The following DACH2 variants were observed in gnomAD, a reference collection of about 807,000 sequenced individuals.
DACH2 encodes dachshund homolog 2.
Under a neutral mutation model 35.8 loss-of-function variants are expected in DACH2, and 17 were observed. The ratio of observed to expected loss-of-function variants is 0.48; its 90% CI spans 0.33 to 0.71. The LOEUF (loss-of-function observed/expected upper bound fraction) is 0.71. Ranked by LOEUF, DACH2 falls within the 30% of genes least tolerant of loss-of-function variation. The pLI, the probability that DACH2 is intolerant of heterozygous loss-of-function variation, is 0.02. For synonymous variants in DACH2, 195 were observed against 177.3 expected (o/e 1.10, Z -0.79); for missense variants, 469 against 472.7 (o/e 0.99, Z 0.07).
chrX:86,376,034 T>A (rs2035961174), intron 1 of DACH2, among the ~76,000 whole-genome samples: 1 of 110,324 alleles, frequency 9.1e-6, no homozygotes, highest in South Asian at 3.8e-4. Flanking sequence ...GTTACTGCAC[T>A]GCTGGAAAGA....
intron 1 of DACH2, among the ~76,000 whole-genome samples, chrX:86,339,546 C>A (rs999396124): frequency 7.2e-5 from 8 of 111,502 alleles, no homozygotes; most frequent in African/African-American, 2.6e-4. Flanking sequence ...GAAATAAGTA[C>A]TATTATTATT....
intron 3 of DACH2, among the ~76,000 whole-genome samples, chrX:86,627,090 A>G (rs1371254981): frequency 8.9e-6 from 1 of 112,264 alleles, no homozygotes; most frequent in Admixed American, 9.4e-5. Context: ...ATAAGTTCCA[A>G]TTCCAAACAT....
At chrX:86,830,942 T>C (rs2147373723) in intron 11 of DACH2, 1 of 111,515 alleles carries the variant, frequency 9.0e-6, no homozygotes, top group Non-Finnish European at 1.9e-5. Context: ...ATTCAAGCTT[T>C]GTTTTCTTCT....
At chrX:86,214,879 C>T (rs1331113336) in intron 1 of DACH2, among the ~76,000 whole-genome samples, 2 of 111,210 alleles carry the variant, frequency 1.8e-5, no homozygotes, top group Admixed American at 1.9e-4. Flanking sequence ...GGAGAAAAAC[C>T]TAATCCTATT....
At chrX:86,752,535 G>A (rs1245748417) in intron 7 of DACH2, among the ~76,000 whole-genome samples, 1 of 111,705 alleles carries the variant, frequency 9.0e-6, no homozygotes, top group Non-Finnish European at 1.9e-5. Flanking sequence ...ACTATGTAAT[G>A]CTATTATCTC....
chrX:86,552,200 G>A (rs967871589), intron 3 of DACH2, among the ~76,000 whole-genome samples: 2 of 110,606 alleles, frequency 1.8e-5, no homozygotes, highest in Non-Finnish European at 3.8e-5. Context: ...AACATTTCTC[G>A]ACGTGAATAT....
intron 1 of DACH2, among the ~76,000 whole-genome samples, chrX:86,193,678 C>A (rs144717239): frequency 0.033 from 3,601 of 110,466 alleles, 144 homozygotes; most frequent in African/African-American, 0.11. Flanking sequence ...CAGTCCAATT[C>A]TTGACTTTTC....
intron 3 of DACH2, among the ~76,000 whole-genome samples, chrX:86,611,918 G>T (rs1242670422): frequency 1.8e-5 from 2 of 109,450 alleles, no homozygotes; most frequent in African/African-American, 3.3e-5. Context: ...TCTTATTAAT[G>T]TGCTTCTTTT....
At chrX:86,726,203 T>C (rs908938702) in intron 6 of DACH2, among the ~76,000 whole-genome samples, 7 of 111,414 alleles carry the variant, frequency 6.3e-5, no homozygotes, top group African/African-American at 2.3e-4. Flanking sequence ...CATCTTTGTC[T>C]CACAGAAGCG....
At chrX:86,564,864 A>G (rs1481861484) in intron 3 of DACH2, among the ~76,000 whole-genome samples, 1 of 110,926 alleles carries the variant, frequency 9.0e-6, no homozygotes, top group Non-Finnish European at 1.9e-5. Flanking sequence ...ATTAGTGATG[A>G]GTTCATCCCA....
chrX:86,690,144 G>A (rs890677881), intron 4 of DACH2, among the ~76,000 whole-genome samples: 2 of 111,684 alleles, frequency 1.8e-5, no homozygotes, highest in African/African-American at 3.2e-5. Flanking sequence ...TTAACAACAC[G>A]GTGCTAAGGT....
intron 3 of DACH2, among the ~76,000 whole-genome samples, chrX:86,568,437 A>C (rs1370653149): frequency 9.0e-6 from 1 of 110,927 alleles, no homozygotes; most frequent in Non-Finnish European, 1.9e-5. Context: ...TTTGCTATGA[A>C]CAGAAACTGC....
At chrX:86,538,472 A>G (rs1256613794) in intron 3 of DACH2, among the ~76,000 whole-genome samples, 1 of 111,484 alleles carries the variant, frequency 9.0e-6, no homozygotes, top group Non-Finnish European at 1.9e-5. Flanking sequence ...ATAATTTTCT[A>G]TCTTAGTTCG....
chrX:86,703,307 G>A (rs991823607), intron 5 of DACH2, among the ~76,000 whole-genome samples: 1 of 111,077 alleles, frequency 9.0e-6, no homozygotes, highest in African/African-American at 3.3e-5. Context: ...CCAACAGCCA[G>A]CATCATACTG....
intron 11 of DACH2, among the ~76,000 whole-genome samples, chrX:86,823,931 A>G (rs752826457): frequency 8.9e-6 from 1 of 112,067 alleles, no homozygotes; most frequent in Non-Finnish European, 1.9e-5. Flanking sequence ...GCAAAATCAG[A>G]AACTCCTGAT....
At chrX:86,249,399 C>A (rs1357655700) in intron 1 of DACH2, among the ~76,000 whole-genome samples, 1 of 111,322 alleles carries the variant, frequency 9.0e-6, no homozygotes, top group Admixed American at 9.5e-5. Flanking sequence ...AGGACATGAA[C>A]AGATACTTCT....
intron 3 of DACH2, among the ~76,000 whole-genome samples, chrX:86,524,099 G>C (rs1208287088): frequency 8.9e-6 from 1 of 112,504 alleles, no homozygotes; most frequent in Non-Finnish European, 1.9e-5. Context: ...CAGCTTGGAG[G>C]TTAGAAGCAA....
intron 2 of DACH2, among the ~76,000 whole-genome samples, chrX:86,492,266 A>G (rs1226819177): frequency 9.0e-6 from 1 of 111,178 alleles, no homozygotes; most frequent in African/African-American, 3.3e-5. Context: ...AAATACACAT[A>G]GTATTCTAAA....
intron 1 of DACH2, among the ~76,000 whole-genome samples, chrX:86,355,229 C>T (rs1569360961): frequency 8.9e-6 from 1 of 112,349 alleles, no homozygotes; most frequent in Non-Finnish European, 1.9e-5. Context: ...CTACAGAGGA[C>T]ATGATCTTGT....
Sources: allele counts gnomAD v4.1 joint callset (sites outside exome capture counted in the v4.1 genomes callset), GRCh38; gene constraint gnomAD v4.1.1; transcripts MANE v1.5; gene names NCBI Gene and HGNC (gene_info 2026-07-23, HGNC 2026-07-21).